The following TFEC variants were observed in gnomAD, a reference collection of about 807,000 sequenced individuals.
TFEC encodes class E basic helix-loop-helix protein 34.
Under a neutral mutation model 41.6 loss-of-function variants are expected in TFEC, and 31 were observed. That is an observed-to-expected ratio of 0.74 (90% CI 0.56 to 1.01). TFEC has a LOEUF of 1.01. TFEC is among the 50% of genes least tolerant of loss of function. The pLI is 0.00. For synonymous variants in TFEC, 143 were observed against 140.6 expected, an observed-to-expected ratio of 1.02 and a Z score of -0.12; for missense variants, 402 against 404.1, an observed-to-expected ratio of 0.99 and a Z score of 0.04.
At chr7:116,007,427 T>C (rs900274976) in intron 1 of TFEC, among the ~76,000 whole-genome samples, 2 of 152,182 alleles carry the variant, frequency 1.3e-5, no homozygotes, top group African/African-American at 2.4e-5. Context: ...CATTTGAATT[T>C]TAAAATCTCC....
chr7:116,091,518 T>C (rs999869111), intron 3 of TFEC, among the ~76,000 whole-genome samples: 2 of 152,174 alleles, frequency 1.3e-5, no homozygotes, highest in African/African-American at 4.8e-5. Context: ...CATAAACATC[T>C]GTAATATGTC....
chr7:116,044,553 A>C (rs569291322), intron 3 of TFEC, among the ~76,000 whole-genome samples: 3 of 152,216 alleles, frequency 2.0e-5, no homozygotes, highest in Non-Finnish European at 4.4e-5. Context: ...CTACTATATA[A>C]GCAAAATGTT....
Position 116,073,779 on chromosome 7 carries a change from G to A in TFEC, c.198+36929C>T, listed in dbSNP as rs537861259. ...AAATAATCAGAACAATTTGGAACTGGTCAAGAATAAACATAGGTCAATGGA... is the reference window on the plus strand; with the variant it reads ...AAATAATCAGAACAATTTGGAACTGATCAAGAATAAACATAGGTCAATGGA... On this transcript the variant is annotated intron_variant, in intron 3 of 8. Coordinates refer to the TFEC transcript ENST00000484212. 1.2e-3 allele frequency among the ~76,000 whole-genome samples: 183 copies of A among 151,980 alleles called. 1 individual carries two copies. The highest frequency in any genetic ancestry group is 4.3e-3 in the African/African-American group (178 of 41,520).
Position 115,974,163 on chromosome 7 carries a change from C to T in TFEC, c.267+7G>A. 1 of 1,584,074 alleles carries T rather than the reference C, an allele frequency of 6.3e-7. No individual in the cohort carries two copies. The highest frequency in any genetic ancestry group is 8.6e-7 in the Non-Finnish European group (1 of 1,168,446). ...TCAATGACCTTCTTGGGTCTGAAAG[C>T]ACTTACTGTTCTTTGCATTAGCAGA... On this transcript the variant is annotated splice_region_variant and intron_variant, in intron 3 of 7. Transcript: ENST00000265440.
intron 1 of TFEC, among the ~76,000 whole-genome samples, chr7:116,152,751 T>A (rs1181743723): frequency 6.6e-6 from 1 of 152,234 alleles, no homozygotes; most frequent in Non-Finnish European, 1.5e-5. Context: ...AATATGTTTC[T>A]GAGCGACTTA....
intron 3 of TFEC, among the ~76,000 whole-genome samples, chr7:116,101,193 C>T (rs201542891): frequency 7.3e-6 from 1 of 136,796 alleles, no homozygotes; most frequent in Admixed American, 7.5e-5. Context: ...TTCATGCCCC[C>T]CCCCAAAAAA....
At chr7:116,031,235 CA>C (rs1455869993), upstream of TFEC, among the ~76,000 whole-genome samples, 1 of 151,968 alleles carries the variant, frequency 6.6e-6, no homozygotes. Flanking sequence ...TCTATAATTA[CA>C]TTTTTCTTAC....
intron 1 of TFEC, among the ~76,000 whole-genome samples, chr7:115,989,279 GGTT>G (rs1793996814): frequency 6.6e-6 from 1 of 152,150 alleles, no homozygotes; most frequent in Admixed American, 6.6e-5. Flanking sequence ...CATGGGAGGA[GGTT>G]CCAAGATGGC....
chr7:116,124,591 C>T (rs969577943), intron 1 of TFEC, among the ~76,000 whole-genome samples: 3 of 152,080 alleles, frequency 2.0e-5, no homozygotes, highest in African/African-American at 7.2e-5. Context: ...GTAATGTGAA[C>T]TTGAAAAATC....
Position 116,108,340 on chromosome 7 carries a change from G to A in TFEC, c.198+2368C>T, listed in dbSNP as rs577115316. On this transcript the variant is annotated intron_variant, in intron 3 of 8. Coordinates refer to the TFEC transcript ENST00000484212. ...CCTGAAAATGGAGCTGGCAATACTTGTAGGCCCAATTCAAATGTCTCCACA... is the reference window on the plus strand; with the variant it reads ...CCTGAAAATGGAGCTGGCAATACTTATAGGCCCAATTCAAATGTCTCCACA... Among the ~76,000 whole-genome samples, 33 of 152,194 alleles carry A rather than the reference G, an allele frequency of 2.2e-4. 1 individual carries two copies. The East Asian group carries it at 6.4e-3, about 29-fold the overall frequency.
chr7:116,045,479 C>A (rs1307157315), intron 3 of TFEC, among the ~76,000 whole-genome samples: 1 of 152,186 alleles, frequency 6.6e-6, no homozygotes, highest in African/African-American at 2.4e-5. Context: ...GTGGAAGCCC[C>A]AAGCCTTGGC....
At chr7:116,008,825 C>T (rs1794898800) in intron 1 of TFEC, among the ~76,000 whole-genome samples, 1 of 152,148 alleles carries the variant, frequency 6.6e-6, no homozygotes, top group Non-Finnish European at 1.5e-5. Context: ...ACTTAGGTTT[C>T]TGAATAACTG....
intron 1 of TFEC, among the ~76,000 whole-genome samples, chr7:116,008,634 T>C (rs1192729416): frequency 6.6e-6 from 1 of 152,182 alleles, no homozygotes; most frequent in Non-Finnish European, 1.5e-5. Context: ...ATGACATTTG[T>C]TAATGTTCTG....
At chr7:116,055,474 A>C (rs1164459870) in intron 3 of TFEC, among the ~76,000 whole-genome samples, 2 of 151,992 alleles carry the variant, frequency 1.3e-5, no homozygotes, top group African/African-American at 4.8e-5. Flanking sequence ...ATGTTCTAAT[A>C]TAGTTATATG....
intron 3 of TFEC, among the ~76,000 whole-genome samples, chr7:115,971,395 A>G (rs891861489): frequency 3.3e-5 from 5 of 151,984 alleles, no homozygotes; most frequent in African/African-American, 1.2e-4. Flanking sequence ...TTACATATCC[A>G]TAGGCAAAAT....
At chr7:116,002,292 T>C (rs1331520186) in intron 1 of TFEC, among the ~76,000 whole-genome samples, 3 of 152,114 alleles carry the variant, frequency 2.0e-5, no homozygotes, top group East Asian at 1.9e-4. Context: ...TATCAACATA[T>C]GAATGGATGA....
intron 3 of TFEC, among the ~76,000 whole-genome samples, chr7:115,972,112 T>G (rs955311999): frequency 1.1e-4 from 16 of 152,100 alleles, no homozygotes; most frequent in Admixed American, 7.2e-4. Flanking sequence ...TCTCACTTCT[T>G]GCCTTATGTT....
At chr7:116,059,050 G>A (rs935139323) in intron 3 of TFEC, among the ~76,000 whole-genome samples, 64 of 151,502 alleles carry the variant, frequency 4.2e-4, no homozygotes, top group African/African-American at 1.3e-3. Flanking sequence ...GAAAATTAAT[G>A]AAATAAAATA....
At chr7:115,958,399 G>A (rs995105957) in intron 3 of TFEC, among the ~76,000 whole-genome samples, 2 of 151,876 alleles carry the variant, frequency 1.3e-5, no homozygotes, top group East Asian at 1.9e-4. Context: ...TCACCAGCTT[G>A]AATTGCACAT....
Sources: allele counts gnomAD v4.1 joint callset (sites outside exome capture counted in the v4.1 genomes callset), GRCh38; gene constraint gnomAD v4.1.1; transcripts MANE v1.5; gene names NCBI Gene and HGNC (gene_info 2026-07-23, HGNC 2026-07-21).